Variants in CERS6 observed in about 807,000 individuals in gnomAD.
CERS6 encodes LAG1 homolog, ceramide synthase 6.
In CERS6, 26 loss-of-function variants were observed where a neutral mutation model predicts 56.8. That is an observed-to-expected ratio of 0.46 (90% CI 0.34 to 0.63). The LOEUF is 0.63. CERS6 is among the 30% of genes least tolerant of loss of function. CERS6 has a pLI of 0.01. For missense variants in CERS6, 415 were observed against 467.5 expected (o/e 0.89, Z 1.04); for synonymous variants, 164 against 173.3 (o/e 0.95, Z 0.42).
chr2:168,612,747 T>G (rs1684220222), intron 3 of CERS6, among the ~76,000 whole-genome samples: 1 of 152,244 alleles, frequency 6.6e-6, no homozygotes, highest in South Asian at 2.1e-4. Context: ...TTGGTGACAG[T>G]GCCTTAGGCC....
At chr2:168,473,929 G>A (rs1361394041) in intron 1 of CERS6, among the ~76,000 whole-genome samples, 2 of 152,096 alleles carry the variant, frequency 1.3e-5, no homozygotes, top group African/African-American at 2.4e-5. Context: ...GTGGTGGCAC[G>A]CACCTGTAGT....
chr2:168,490,103 C>G (rs1179978741), intron 1 of CERS6, among the ~76,000 whole-genome samples: 1 of 152,092 alleles, frequency 6.6e-6, no homozygotes, highest in Non-Finnish European at 1.5e-5. Flanking sequence ...GGGTCTGTCC[C>G]GTGTGTGCCT....
chr2:168,654,749 A>T (rs1362962612), intron 4 of CERS6, among the ~76,000 whole-genome samples: 2 of 152,204 alleles, frequency 1.3e-5, no homozygotes, highest in Non-Finnish European at 2.9e-5. Flanking sequence ...TTCGAGTCCT[A>T]TTACTTGAAG....
At chr2:168,639,492 C>T (rs1452346820) in intron 4 of CERS6, among the ~76,000 whole-genome samples, 3 of 152,152 alleles carry the variant, frequency 2.0e-5, no homozygotes, top group African/African-American at 7.2e-5. Context: ...AAGCTAATGG[C>T]GTTCACATAC....
chr2:168,762,612 A>G (rs1300845068), intron 8 of CERS6, among the ~76,000 whole-genome samples: 1 of 152,192 alleles, frequency 6.6e-6, no homozygotes, highest in Non-Finnish European at 1.5e-5. Flanking sequence ...TAGATTTCCT[A>G]ATATTTTCCC....
At chr2:168,540,883 C>A (rs1695355923) in intron 1 of CERS6, among the ~76,000 whole-genome samples, 1 of 152,118 alleles carries the variant, frequency 6.6e-6, no homozygotes, top group Non-Finnish European at 1.5e-5. Flanking sequence ...TTCTTGAGCT[C>A]CTTGAATCTG....
intron 4 of CERS6, among the ~76,000 whole-genome samples, chr2:168,645,852 C>T (rs1685186361): frequency 2.7e-5 from 4 of 149,728 alleles, no homozygotes; most frequent in African/African-American, 1.0e-4. Context: ...CATCCATATT[C>T]CCACAAAAGA....
rs144969207 is a variant in CERS6 at position 168,772,817 on chromosome 2, A to G, written c.*3155A>G. On this transcript the variant is annotated 3_prime_UTR_variant, in exon 10 of 10. Coordinates refer to ENST00000305747, the MANE Select transcript of CERS6 (RefSeq NM_203463.3). ...CATCCTACTTCTGCTGGGCTGCATC[A>G]TTATATAATGCCACAGGCATCTAGT... is the stretch of plus-strand genomic sequence containing the variant. The G allele has an allele frequency of 1.7e-3, 265 of 152,764 alleles. 2 individuals are homozygous for G. Among genetic ancestry groups the G allele is most frequent in the African/African-American group, 5.6e-3 (233 of 41,574 alleles). 9.5% of individuals were successfully genotyped at this position (152,764 alleles called of 1,614,324 possible). A position where few individuals can be genotyped will look rare whatever the true frequency, so the allele number is the denominator to read the frequency against.
chr2:168,706,208 A>G (rs1327904542), intron 6 of CERS6, among the ~76,000 whole-genome samples: 1 of 152,248 alleles, frequency 6.6e-6, no homozygotes, highest in Non-Finnish European at 1.5e-5. Flanking sequence ...ACTCCAGGGC[A>G]TTGGAAATCA....
intron 8 of CERS6, among the ~76,000 whole-genome samples, chr2:168,738,917 C>T (rs757749018): frequency 5.9e-5 from 9 of 152,004 alleles, no homozygotes; most frequent in Admixed American, 1.3e-4. Flanking sequence ...GACAGAGTCT[C>T]ACTCTGTTGC....
At chr2:168,543,335 T>C (rs904056628) in intron 1 of CERS6, among the ~76,000 whole-genome samples, 1 of 152,216 alleles carries the variant, frequency 6.6e-6, no homozygotes, top group East Asian at 1.9e-4. Flanking sequence ...ACATATTTCC[T>C]TTCAACTATT....
At chr2:168,484,635 T>G (rs1042597380) in intron 1 of CERS6, among the ~76,000 whole-genome samples, 31 of 152,126 alleles carry the variant, frequency 2.0e-4, no homozygotes, top group African/African-American at 7.0e-4. Context: ...CTGAACTGCT[T>G]GTTGATGGTG....
intron 3 of CERS6, among the ~76,000 whole-genome samples, chr2:168,563,624 C>T (rs1042045315): frequency 7.9e-5 from 12 of 151,978 alleles, no homozygotes; most frequent in African/African-American, 2.7e-4. Context: ...GGTGAAACCC[C>T]GTCTCTACTA....
chr2:168,463,216 G>T (rs962043270), intron 1 of CERS6, among the ~76,000 whole-genome samples: 2 of 152,078 alleles, frequency 1.3e-5, no homozygotes, highest in Admixed American at 6.5e-5. Context: ...AACAATTTTG[G>T]TGTCTCCTAT....
rs555892418 is a variant in CERS6 at position 168,571,813 on chromosome 2, C to A, written c.407+10491C>A. ...CCTCAAGCGTTTATCCTTTGCGTTA[C>A]AAACAATCCAATTATACTCTTTTAA... On this transcript the variant is annotated intron_variant, in intron 3 of 9. Coordinates refer to ENST00000305747, the MANE Select transcript of CERS6 (RefSeq NM_203463.3). 3.9e-5 allele frequency among the ~76,000 whole-genome samples: 6 copies of A among 152,288 alleles called. No homozygotes were observed. The East Asian group carries it at 1.2e-3, about 29-fold the overall frequency.
chr2:168,616,364 A>C (rs2105278881), intron 3 of CERS6, among the ~76,000 whole-genome samples: 1 of 152,370 alleles, frequency 6.6e-6, no homozygotes, highest in East Asian at 1.9e-4. Flanking sequence ...TAGCATAATG[A>C]ATGCAATAGT....
At chr2:168,714,830 C>G (rs1687187845) in intron 6 of CERS6, among the ~76,000 whole-genome samples, 171 bp from the exon 7 acceptor site, 1 of 152,130 alleles carries the variant, frequency 6.6e-6, no homozygotes, top group Non-Finnish European at 1.5e-5. Context: ...TGTGTCTCTC[C>G]CAACACGTGA....
At chr2:168,482,522 G>T (rs1694195273) in intron 1 of CERS6, among the ~76,000 whole-genome samples, 1 of 152,248 alleles carries the variant, frequency 6.6e-6, no homozygotes, top group Non-Finnish European at 1.5e-5. Flanking sequence ...ATTATGAGTG[G>T]TCTTGCTTCT....
rs552323701 is a variant in CERS6 at position 168,526,279 on chromosome 2, G to C, written c.171-21317G>C. Among the ~76,000 whole-genome samples the C allele has an allele frequency of 5.3e-5, 8 of 152,180 alleles. No individual in the cohort carries two copies. In the South Asian group the frequency reaches 1.7e-3, roughly 32 times the overall value. The stretch of plus-strand genomic sequence containing the variant: ...TTAGCTTCAAAGTTTGCTCTCTAAG[G>C]CCTCTTATTTGAGCTTCTCTTTGAT... On this transcript the variant is annotated intron_variant, in intron 1 of 9. Coordinates refer to ENST00000305747, the MANE Select transcript of CERS6 (RefSeq NM_203463.3).
Sources: allele counts gnomAD v4.1 joint callset (sites outside exome capture counted in the v4.1 genomes callset), GRCh38; gene constraint gnomAD v4.1.1; transcripts MANE v1.5; gene names NCBI Gene and HGNC (gene_info 2026-07-23, HGNC 2026-07-21).